The following ARL14EPL variants were observed in gnomAD, a reference collection of about 807,000 sequenced individuals.
ARL14EPL encodes the protein ARF like GTPase 14 effector protein like, also known as ARL14 effector protein-like.
ARL14EPL carries 17 observed loss-of-function variants against 15.9 expected under a neutral mutation model. That is an observed-to-expected ratio of 1.07 (90% confidence interval 0.73 to 1.60). ARL14EPL has a LOEUF of 1.60. Among genes scored for constraint, ARL14EPL ranks in the 40% most tolerant of loss-of-function variants. The pLI is 0.00. For synonymous variants in ARL14EPL, 78 were observed against 63.8 expected, an observed-to-expected ratio of 1.22 and a Z score of -1.06; for missense variants, 214 against 185.9, an observed-to-expected ratio of 1.15 and a Z score of -0.88.
intron 1 of ARL14EPL, 23 bp from the exon 2 acceptor site, chr5:116,051,434 A>T: frequency 7.3e-7 from 1 of 1,377,058 alleles, no homozygotes; most frequent in Non-Finnish European, 1.0e-6. Flanking sequence ...AATATGTTTT[A>T]CTTTTTCCAA....
chr5:116,046,448 T>A (rs1199249651), intron 1 of ARL14EPL, among the ~76,000 whole-genome samples: 1 of 152,198 alleles, frequency 6.6e-6, no homozygotes, highest in East Asian at 1.9e-4. Context: ...GATAAACGTA[T>A]GAGTCATTTT....
intron 1 of ARL14EPL, among the ~76,000 whole-genome samples, chr5:116,038,093 G>GA (rs935211042): frequency 5.3e-5 from 8 of 150,948 alleles, no homozygotes; most frequent in South Asian, 2.1e-4. Flanking sequence ...GTTAGAACCT[G>GA]AAAAAAAAAG....
intron 1 of ARL14EPL, among the ~76,000 whole-genome samples, chr5:116,033,455 G>A (rs1295846806): frequency 1.3e-5 from 2 of 152,054 alleles, no homozygotes; most frequent in African/African-American, 2.4e-5. Context: ...TATGATGTTT[G>A]GTGCATTAAA....
intron 1 of ARL14EPL, among the ~76,000 whole-genome samples, chr5:116,036,213 C>G (rs975809398): frequency 6.6e-6 from 1 of 152,190 alleles, no homozygotes; most frequent in Non-Finnish European, 1.5e-5. Context: ...CCCATGCTCT[C>G]TACTGCTAAA....
chr5:116,034,446 A>C (rs547044334), intron 1 of ARL14EPL, among the ~76,000 whole-genome samples: 3 of 152,210 alleles, frequency 2.0e-5, no homozygotes, highest in Non-Finnish European at 4.4e-5. Context: ...AGAGGGCGGC[A>C]GGATGAAAGT....
intron 1 of ARL14EPL, among the ~76,000 whole-genome samples, chr5:116,039,537 G>A (rs147748492): frequency 0.011 from 1,662 of 152,136 alleles, 44 homozygotes; most frequent in African/African-American, 0.038. Flanking sequence ...TACAAAGCTG[G>A]GCAGGCAGGG....
At chr5:116,036,604 C>T (rs1241713439) in intron 1 of ARL14EPL, among the ~76,000 whole-genome samples, 1 of 152,122 alleles carries the variant, frequency 6.6e-6, no homozygotes, top group South Asian at 2.1e-4. Context: ...TGGGTTTCTA[C>T]TTGCATTGAA....
chr5:116,058,516 A>C (rs1221069844), intron 3 of ARL14EPL, among the ~76,000 whole-genome samples: 1 of 152,110 alleles, frequency 6.6e-6, no homozygotes, highest in Non-Finnish European at 1.5e-5. Flanking sequence ...TATTGACTGA[A>C]TTTCCCGTGA....
chr5:116,057,186 C>A (rs903756642), intron 3 of ARL14EPL, among the ~76,000 whole-genome samples: 16 of 152,154 alleles, frequency 1.1e-4, no homozygotes, highest in Non-Finnish European at 2.4e-4. Flanking sequence ...ACATGATTAT[C>A]TCCGTAGATG....
intron 1 of ARL14EPL, among the ~76,000 whole-genome samples, chr5:116,050,857 A>G (rs1580415426): frequency 2.1e-5 from 2 of 93,304 alleles, no homozygotes; most frequent in South Asian, 6.9e-4. Context: ...ACACACACAC[A>G]GACGCACGCA....
At chr5:116,057,430 A>AAAC (rs1749547028) in intron 3 of ARL14EPL, among the ~76,000 whole-genome samples, 2 of 152,004 alleles carry the variant, frequency 1.3e-5, no homozygotes, top group South Asian at 4.2e-4. Flanking sequence ...CCAAAAAAAA[A>AAAC]AGCATCAAAT....
At chr5:116,055,044 G>A (rs1749482195) in intron 3 of ARL14EPL, among the ~76,000 whole-genome samples, 1 of 151,980 alleles carries the variant, frequency 6.6e-6, no homozygotes, top group Admixed American at 6.6e-5. Context: ...TAAGAAAAGT[G>A]TAAATATCCT....
At chr5:116,051,302 T>C in intron 1 of ARL14EPL, 155 bp from the exon 2 acceptor site, 2 of 581,380 alleles carry the variant, frequency 3.4e-6, no homozygotes, top group Non-Finnish European at 3.0e-6. Flanking sequence ...GAGGCAAGGT[T>C]TAACAGTGAG....
rs1261573801 is a variant in ARL14EPL, at chr5:116,054,076, C to T, written c.159C>T (p.Asp53=). Residue 53 remains aspartate (D), a synonymous_variant, in exon 3 of 4, where the codon GAC becomes GAT. Coordinates refer to ENST00000686077, the MANE Select transcript of ARL14EPL (RefSeq NM_001195581.2). ...AFRNPGPQVA[D]FNPETRQQKK... is the part of the protein sequence containing the mutation. ...GAAACCCTGGACCACAGGTAGCAGACTTTAATCCTGAAACAAGGCAGCAGA... is the reference window on the plus strand; with the variant it reads ...GAAACCCTGGACCACAGGTAGCAGATTTTAATCCTGAAACAAGGCAGCAGA... The T allele has an allele frequency of 6.5e-7, 1 of 1,535,660 alleles. No homozygotes were observed. Among genetic ancestry groups the T allele is most frequent in the Non-Finnish European group, 8.7e-7 (1 of 1,146,740 alleles).
At chr5:116,044,578 GGTATTA>G (rs1440132810) in intron 1 of ARL14EPL, among the ~76,000 whole-genome samples, 7 of 151,910 alleles carry the variant, frequency 4.6e-5, no homozygotes, top group South Asian at 2.1e-4. Context: ...GGGACAATTT[GGTATTA>G]GTATTAGTTA....
At chr5:116,050,116 A>C (rs1181470763) in intron 1 of ARL14EPL, among the ~76,000 whole-genome samples, 1 of 152,232 alleles carries the variant, frequency 6.6e-6, no homozygotes, top group Non-Finnish European at 1.5e-5. Flanking sequence ...GAGAAATAAC[A>C]AGGTGATTTT....
intron 1 of ARL14EPL, among the ~76,000 whole-genome samples, chr5:116,040,397 G>A (rs1212204386): frequency 1.3e-5 from 2 of 151,128 alleles, no homozygotes; most frequent in Non-Finnish European, 2.9e-5. Flanking sequence ...ATAGCCGTTT[G>A]GTATATAACA....
intron 1 of ARL14EPL, 24 bp downstream of exon 1, chr5:116,032,529 T>G (rs1400571053): frequency 6.6e-6 from 1 of 152,140 alleles, no homozygotes; most frequent in Non-Finnish European, 1.5e-5. Context: ...AATAAGATAT[T>G]TTGAAAGAGA....
chr5:116,041,751 C>T (rs976517426), intron 1 of ARL14EPL, among the ~76,000 whole-genome samples: 2 of 152,192 alleles, frequency 1.3e-5, no homozygotes, highest in African/African-American at 4.8e-5. Context: ...ATGTCCTTCT[C>T]CCTCCCTCTT....
Sources: allele counts gnomAD v4.1 joint callset (sites outside exome capture counted in the v4.1 genomes callset), GRCh38; gene constraint gnomAD v4.1.1; transcripts MANE v1.5; gene names NCBI Gene and HGNC (gene_info 2026-07-23, HGNC 2026-07-21).